The following NIBAN3 variants were observed in gnomAD, a reference collection of about 807,000 sequenced individuals.
NIBAN3 encodes the protein niban apoptosis regulator 3.
A neutral mutation model predicts 76.4 loss-of-function variants in NIBAN3; 66 were observed. That is an observed-to-expected ratio of 0.86 (90% confidence interval 0.71 to 1.06). The LOEUF (loss-of-function observed/expected upper bound fraction) is 1.06, where lower values mean the gene tolerates loss of function less well. Ranked by LOEUF, NIBAN3 falls within the 50% of genes least tolerant of loss-of-function variation. The probability of loss-of-function intolerance (pLI) is 0.00; values close to 1 mark genes in which losing one functional copy is unlikely to be tolerated. For synonymous variants in NIBAN3, 360 were observed against 355.2 expected (o/e 1.01, Z -0.15); for missense variants, 808 against 810.7 (o/e 1.00, Z 0.04).
rs575689393 is a variant in NIBAN3, at chr19:17,546,768, G to A, written c.1637G>A (p.Arg546Gln). The A allele has an allele frequency of 6.2e-6, 10 of 1,602,870 alleles. No individual in the cohort carries two copies. The highest frequency in any genetic ancestry group is 1.7e-4 in the Middle Eastern group (1 of 6,052). Residue 546 changes from arginine to glutamine, a missense_variant, in exon 13 of 15, where the codon CGG (arginine) becomes CAG (glutamine). Arg to Gln is a conservative substitution (Grantham distance 43). Transcript: ENST00000599164. ...GAGGGCATCTATGAGGACGTCATCCGGGGGTGCTTGCTGCAGAGGATTGAC... is the reference window on the plus strand; with the variant it reads ...GAGGGCATCTATGAGGACGTCATCCAGGGGTGCTTGCTGCAGAGGATTGAC... ...TTEGIYEDVI[R>Q]GCLLQRIDQE...
downstream of NIBAN3, among the ~76,000 whole-genome samples, chr19:17,555,325 C>A (rs967609061): frequency 2.0e-5 from 3 of 152,120 alleles, no homozygotes; most frequent in African/African-American, 7.2e-5. Flanking sequence ...CAAACCAGGT[C>A]CTAAGTAGCC....
chr19:17,539,647 C>G lies in NIBAN3; in HGVS notation c.861C>G (p.Ala287=). Residue 287 remains alanine, a synonymous_variant, in exon 8 of 15, where the codon GCC becomes GCG. Coordinates refer to ENST00000599164, the MANE Select transcript of NIBAN3 (RefSeq NM_001321827.2). ...VHAAVLAGAS[A]GLCAFQPEKD... Reference sequence around the variant, plus strand: ...CAGCTGTCCTGGCCGGGGCCTCCGCCGGGCTCTGCGCCTTCCAGCCCGAAA... The same window carrying G: ...CAGCTGTCCTGGCCGGGGCCTCCGCGGGGCTCTGCGCCTTCCAGCCCGAAA... 1 of 1,567,274 alleles carries G rather than the reference C, an allele frequency of 6.4e-7. No individual in the cohort carries two copies. Among genetic ancestry groups the G allele is most frequent in the Non-Finnish European group, 8.7e-7 (1 of 1,155,310 alleles).
intron 12 of NIBAN3, chr19:17,545,466 G>C (rs1052102648): frequency 5.5e-6 from 1 of 182,340 alleles, no homozygotes; most frequent in African/African-American, 2.4e-5. Context: ...TGGGCCCGGG[G>C]GACCACTACT....
intron 11 of NIBAN3, 26 bp from the exon 12 acceptor site, chr19:17,543,498 G>A (rs1433140055): frequency 6.2e-7 from 1 of 1,612,694 alleles, no homozygotes. Flanking sequence ...ATGGTTGCTG[G>A]ACGCACCGCT....
intron 4 of NIBAN3, among the ~76,000 whole-genome samples, chr19:17,536,720 C>T (rs1352333613): frequency 1.3e-5 from 2 of 152,146 alleles, no homozygotes; most frequent in East Asian, 1.9e-4. Flanking sequence ...ATAAATTAAC[C>T]AAAGCTGAAT....
chr19:17,525,338 CATT>C (rs2075594406), upstream of NIBAN3, among the ~76,000 whole-genome samples: 3 of 120,214 alleles, frequency 2.5e-5, no homozygotes, highest in African/African-American at 1.1e-4. Flanking sequence ...TCCCTCCCTT[CATT>C]CATTCATTCA....
At chr19:17,540,323 G>T (rs974135072) in intron 8 of NIBAN3, 69 bp from the exon 9 acceptor site, 2 of 1,188,938 alleles carry the variant, frequency 1.7e-6, no homozygotes, top group Middle Eastern at 3.2e-4. Context: ...CCTCGCGAGG[G>T]CCCCTGCACA....
intron 8 of NIBAN3, 161 bp from the exon 9 acceptor site, chr19:17,540,231 A>G: frequency 2.0e-6 from 1 of 488,068 alleles, no homozygotes; most frequent in Non-Finnish European, 3.5e-6. Flanking sequence ...GGGAATCCTG[A>G]CTGGGCCCGC....
At chr19:17,554,701 AC>A (rs1389946762), downstream of NIBAN3, among the ~76,000 whole-genome samples, 1 of 146,976 alleles carries the variant, frequency 6.8e-6, no homozygotes, top group East Asian at 2.0e-4. Context: ...AATCGCTTGA[AC>A]CCGGGAGGCG....
At chr19:17,536,374 A>G (rs540233277) in intron 4 of NIBAN3, among the ~76,000 whole-genome samples, 2 of 152,094 alleles carry the variant, frequency 1.3e-5, no homozygotes, top group Non-Finnish European at 2.9e-5. Flanking sequence ...GTTTTAGTAG[A>G]GACGGGGTTT....
Position 17,533,616 on chromosome 19 carries a change from C to T in NIBAN3, c.342C>T (p.Gly114=). 2 of 1,614,094 alleles carry T rather than the reference C, an allele frequency of 1.2e-6. No homozygotes were observed. The highest frequency in any genetic ancestry group is 1.7e-6 in the Non-Finnish European group (2 of 1,179,976). ...EEYENGGHCL[G]STALTGYTLL... ...ATGAAAACGGGGGCCACTGCCTTGG[C>T]TCAACAGCCCTGACAGGATACACGC... Residue 114 remains glycine (G), a synonymous_variant, in exon 4 of 15, where the codon GGC becomes GGT. Transcript: ENST00000599164.
At chr19:17,544,396 C>T (rs1387840647) in intron 12 of NIBAN3, among the ~76,000 whole-genome samples, 6 of 152,194 alleles carry the variant, frequency 3.9e-5, no homozygotes. Context: ...GGTTCATTAC[C>T]CTGTGTCTGC....
intron 1 of NIBAN3, among the ~76,000 whole-genome samples, chr19:17,529,228 C>G (rs1448433382): frequency 2.0e-5 from 3 of 152,064 alleles, no homozygotes; most frequent in African/African-American, 7.2e-5. Context: ...TGTAAGGATT[C>G]AAAGAGTTAC....
intron 13 of NIBAN3, among the ~76,000 whole-genome samples, chr19:17,548,934 G>GTT (rs200948801): frequency 1.4e-5 from 2 of 143,298 alleles, no homozygotes; most frequent in Non-Finnish European, 1.5e-5. Context: ...TCAAAAAAAA[G>GTT]TTGTTTTTTT....
Position 17,543,463 on chromosome 19 carries a change from GGTGGCA to G in NIBAN3, c.1446+35_1446+40del, listed in dbSNP as rs762645388. 459 of 1,609,332 alleles carry G rather than the reference GGTGGCA, an allele frequency of 2.9e-4. 2 individuals are homozygous for G. Among genetic ancestry groups the G allele is most frequent in the Middle Eastern group, 2.8e-3 (17 of 6,044 alleles). Reference sequence around the variant, plus strand: ...GTTCTGTGGGTACGGGGTGGCATGGGGTGGCAGTGGGCCTGGGTGCTCAGATGGTTG... The same window carrying G: ...GTTCTGTGGGTACGGGGTGGCATGGGGTGGGCCTGGGTGCTCAGATGGTTG... On this transcript the variant is annotated intron_variant, in intron 11 of 14. Transcript: ENST00000599164.
Position 17,539,756 on chromosome 19 carries a change from C to T in NIBAN3, c.970C>T (p.Arg324Trp), listed in dbSNP as rs1187967734. ...LLRQRARVAGRLRTDIRGPLE... is the reference protein window; with the variant it reads ...LLRQRARVAGWLRTDIRGPLE... ...GCGGCAGCGGGCGCGTGTGGCGGGGCGGCTGAGGAGTGAGGCCCTGGGGCG... is the reference window on the plus strand; with the variant it reads ...GCGGCAGCGGGCGCGTGTGGCGGGGTGGCTGAGGAGTGAGGCCCTGGGGCG... The change falls in exon 8 of 15, where the codon CGG (arginine) becomes TGG (tryptophan). Residue 324 changes from arginine (R) to tryptophan (W), a missense_variant. By Grantham distance (101) the Arg-to-Trp change is moderately radical (BLOSUM62 -3). Transcript: ENST00000599164. 5 of 1,532,524 alleles carry T rather than the reference C, an allele frequency of 3.3e-6. No homozygotes were observed. The highest frequency in any genetic ancestry group is 1.7e-4 in the Middle Eastern group (1 of 5,810). 94.9% of individuals were successfully genotyped at this position (1,532,524 alleles called of 1,614,324 possible).
At chr19:17,547,640 A>T (rs1469591475) in intron 13 of NIBAN3, among the ~76,000 whole-genome samples, 2 of 149,550 alleles carry the variant, frequency 1.3e-5, no homozygotes, top group African/African-American at 4.9e-5. Flanking sequence ...GGCGTGAGCC[A>T]CCGCACCCGG....
At chr19:17,544,602 C>CAA (rs551822054) in intron 12 of NIBAN3, among the ~76,000 whole-genome samples, 221 of 152,384 alleles carry the variant, frequency 1.5e-3, no homozygotes, top group Non-Finnish European at 2.7e-3. Context: ...ACAGCATGTG[C>CAA]AAAGGCCCTG....
intron 4 of NIBAN3, among the ~76,000 whole-genome samples, chr19:17,536,042 C>G (rs1056704824): frequency 6.6e-6 from 1 of 152,176 alleles, no homozygotes; most frequent in Admixed American, 6.6e-5. Flanking sequence ...AGATATGCAC[C>G]TCACACAGTT....
Sources: gnomAD v4.1 joint callset for allele counts (sites outside exome capture counted in the v4.1 genomes callset) on GRCh38, gnomAD v4.1.1 for gene constraint, MANE v1.5 for transcripts, NCBI Gene and HGNC (gene_info 2026-07-23, HGNC 2026-07-21) for gene names.